Variants in PITPNC1 observed in about 807,000 individuals in gnomAD.
PITPNC1 encodes cytoplasmic phosphatidylinositol transfer protein 1.
PITPNC1 carries 18 observed loss-of-function variants against 44.7 expected under a neutral mutation model. That is an observed-to-expected ratio of 0.40 (90% CI 0.28 to 0.60). PITPNC1 has a LOEUF of 0.60. Among genes scored for constraint, PITPNC1 ranks in the 20% least tolerant of loss-of-function variants. The pLI is 0.39. For synonymous variants in PITPNC1, 141 were observed against 149.6 expected (o/e 0.94, Z 0.42); for missense variants, 290 against 418.4 (o/e 0.69, Z 2.68).
intron 5 of PITPNC1, among the ~76,000 whole-genome samples, chr17:67,614,801 C>T (rs1300858199): frequency 6.6e-6 from 1 of 151,886 alleles, no homozygotes; most frequent in Non-Finnish European, 1.5e-5. Context: ...AGCTTGAGCC[C>T]CAGGAGTTTG....
At chr17:67,406,272 A>C (rs1293535994) in intron 1 of PITPNC1, among the ~76,000 whole-genome samples, 2 of 152,112 alleles carry the variant, frequency 1.3e-5, no homozygotes, top group African/African-American at 4.8e-5. Context: ...CCTCCTGAGT[A>C]GCTGGATTTC....
chr17:67,576,074 G>A (rs7405789), intron 4 of PITPNC1, among the ~76,000 whole-genome samples: 112,869 of 151,294 alleles, frequency 0.75, 42,377 homozygotes, highest in East Asian at 0.86. Flanking sequence ...ACGGGGTTTC[G>A]CCATGGTGGC....
In PITPNC1 at chr17:67,415,679, C is replaced by T. The variant is rs536406659; in HGVS notation, c.48+37477C>T. On this transcript the variant is annotated intron_variant, in intron 1 of 8. Transcript: ENST00000581322. ...GGACATGGTTATATAATGGCCTTGGCGATGCCCTTAATAAATGAAATCTAA... is the reference window on the plus strand; with the variant it reads ...GGACATGGTTATATAATGGCCTTGGTGATGCCCTTAATAAATGAAATCTAA... Among the ~76,000 whole-genome samples the T allele has an allele frequency of 1.5e-4, 23 of 152,212 alleles. No homozygotes were observed. In the South Asian group the frequency reaches 1.9e-3, roughly 12 times the overall value.
intron 1 of PITPNC1, among the ~76,000 whole-genome samples, chr17:67,510,343 C>T (rs2040167271): frequency 6.6e-6 from 1 of 152,198 alleles, no homozygotes; most frequent in Admixed American, 6.5e-5. Flanking sequence ...TCAGGACACC[C>T]CGAACCTGCC....
At chr17:67,421,735 T>C (rs560583129) in intron 1 of PITPNC1, among the ~76,000 whole-genome samples, 1 of 152,342 alleles carries the variant, frequency 6.6e-6, no homozygotes, top group Admixed American at 6.5e-5. Flanking sequence ...TGTGTGGTCA[T>C]AGAAAAGCAA....
chr17:67,582,254 G>T (rs2041245151), intron 5 of PITPNC1, among the ~76,000 whole-genome samples: 2 of 152,190 alleles, frequency 1.3e-5, no homozygotes, highest in South Asian at 4.2e-4. Context: ...GTTTTTGGTG[G>T]GAGGCAGAGT....
intron 6 of PITPNC1, among the ~76,000 whole-genome samples, chr17:67,654,924 C>T (rs1240950917): frequency 9.9e-5 from 15 of 152,072 alleles, no homozygotes; most frequent in Admixed American, 9.2e-4. Flanking sequence ...TGAGCCACCA[C>T]GCCTGGCCAG....
At chr17:67,623,186 T>C (rs2041855952) in intron 5 of PITPNC1, among the ~76,000 whole-genome samples, 4 of 151,064 alleles carry the variant, frequency 2.6e-5, no homozygotes, top group Admixed American at 2.6e-4. Context: ...TCTTTAATCG[T>C]ATCTGAAGCA....
chr17:67,582,994 G>A (rs2041255937), intron 5 of PITPNC1, among the ~76,000 whole-genome samples: 1 of 152,224 alleles, frequency 6.6e-6, no homozygotes. Flanking sequence ...ATTTAAAGCA[G>A]TGGTTCCCAG....
At chr17:67,429,731 A>G (rs1042155653) in intron 1 of PITPNC1, among the ~76,000 whole-genome samples, 5 of 152,018 alleles carry the variant, frequency 3.3e-5, no homozygotes, top group Admixed American at 3.3e-4. Context: ...AATTATTTCT[A>G]CCACCATTAT....
Position 67,695,595 on chromosome 17 carries a change from A to G in PITPNC1, c.*2707A>G, listed in dbSNP as rs1175031649. 1 of 121,122 alleles carries G rather than the reference A, an allele frequency of 8.3e-6. No homozygotes were observed. Among genetic ancestry groups the G allele is most frequent in the East Asian group, 2.3e-4 (1 of 4,348 alleles). 7.5% of individuals were successfully genotyped at this position (121,122 alleles called of 1,614,324 possible). A position where few individuals can be genotyped will look rare whatever the true frequency, so the allele number is the denominator to read the frequency against. On this transcript the variant is annotated 3_prime_UTR_variant, in exon 9 of 9. Transcript: ENST00000581322. ...CTTCAACTTTGTTCACCAAAATTGT[A>G]TTATACCTGTGTATATATATATATA...
intron 1 of PITPNC1, among the ~76,000 whole-genome samples, chr17:67,473,474 G>A (rs1000592896): frequency 1.1e-4 from 16 of 150,902 alleles, no homozygotes; most frequent in Admixed American, 5.9e-4. Flanking sequence ...GACTACAGGC[G>A]CCCGCCACTA....
intron 4 of PITPNC1, among the ~76,000 whole-genome samples, chr17:67,561,734 C>T (rs1328956656): frequency 6.6e-6 from 1 of 152,202 alleles, no homozygotes; most frequent in African/African-American, 2.4e-5. Context: ...GGAAGTCACA[C>T]TGATCCATTC....
intron 2 of PITPNC1, among the ~76,000 whole-genome samples, chr17:67,545,884 C>T (rs1034177614): frequency 3.9e-5 from 6 of 152,076 alleles, no homozygotes; most frequent in African/African-American, 7.2e-5. Flanking sequence ...GCATTCCACT[C>T]GGGAGTGACA....
At chr17:67,453,713 G>A (rs1322064239) in intron 1 of PITPNC1, among the ~76,000 whole-genome samples, 1 of 152,172 alleles carries the variant, frequency 6.6e-6, no homozygotes, top group African/African-American at 2.4e-5. Context: ...AATGGGGTAC[G>A]ATTTTCTGTA....
chr17:67,660,246 C>A (rs1284774072), intron 6 of PITPNC1, among the ~76,000 whole-genome samples: 2 of 152,074 alleles, frequency 1.3e-5, no homozygotes, highest in African/African-American at 2.4e-5. Flanking sequence ...TTATTATTAT[C>A]TTTTTACTCT....
At chr17:67,491,898 T>G (rs1220513180) in intron 1 of PITPNC1, among the ~76,000 whole-genome samples, 1 of 151,948 alleles carries the variant, frequency 6.6e-6, no homozygotes, top group African/African-American at 2.4e-5. Flanking sequence ...TCTGCACATT[T>G]TAGTAAGATC....
At chr17:67,575,806 C>T (rs986300697) in intron 4 of PITPNC1, among the ~76,000 whole-genome samples, 4 of 129,758 alleles carry the variant, frequency 3.1e-5, no homozygotes, top group African/African-American at 1.3e-4. Context: ...TTCTTTCTTT[C>T]TTTCTTTCTT....
chr17:67,444,639 G>A (rs1323249056), intron 1 of PITPNC1, among the ~76,000 whole-genome samples: 2 of 152,164 alleles, frequency 1.3e-5, no homozygotes, highest in East Asian at 1.9e-4. Flanking sequence ...GCCCACGCCT[G>A]TAATCCCAGC....
Sources: allele counts gnomAD v4.1 joint callset (sites outside exome capture counted in the v4.1 genomes callset), GRCh38; gene constraint gnomAD v4.1.1; transcripts MANE v1.5; gene names NCBI Gene and HGNC (gene_info 2026-07-23, HGNC 2026-07-21).